INA: variants seen among roughly 807,000 people sequenced by gnomAD.
The protein encoded by INA is internexin neuronal intermediate filament protein alpha.
INA carries 35 observed loss-of-function variants against 40.1 expected under a neutral mutation model. That is an observed-to-expected ratio of 0.87 (90% CI 0.67 to 1.16). INA has a LOEUF of 1.16. INA is among the 50% of genes most tolerant of loss of function. The pLI is 0.00. For missense variants in INA, 594 were observed against 686.7 expected (o/e 0.87, Z 1.51); for synonymous variants, 290 against 316.9 (o/e 0.92, Z 0.90).
In INA at chr10:103,278,569, G is replaced by A. The variant is rs1054207144; in HGVS notation, c.1065+293G>A. Among the ~76,000 whole-genome samples the A allele has an allele frequency of 6.6e-6, 1 of 152,150 alleles. No individual in the cohort carries two copies. Among genetic ancestry groups the A allele is most frequent in the African/African-American group, 2.4e-5 (1 of 41,440 alleles). ...GTCAGCAAGCGGGCCTACACACACC[G>A]GCGACCCGGAGAACAGTGCCCCACC... On this transcript the variant is annotated intron_variant, in intron 1 of 2. Coordinates refer to ENST00000369849, the MANE Select transcript of INA (RefSeq NM_032727.4). This position sits in a 1 kb window ranked among gnomAD's most constrained non-coding sequence, Gnocchi z 4.9.
intron 1 of INA, among the ~76,000 whole-genome samples, chr10:103,285,913 C>T (rs562042050): frequency 7.9e-5 from 12 of 152,126 alleles, no homozygotes; most frequent in Non-Finnish European, 1.8e-4. Flanking sequence ...CCACCACACC[C>T]GGGTGAACTG....
chr10:103,286,440 T>A (rs1421253495), intron 1 of INA, among the ~76,000 whole-genome samples: 1 of 151,556 alleles, frequency 6.6e-6, no homozygotes, highest in East Asian at 1.9e-4. Flanking sequence ...GTTTTAAAAA[T>A]TCTGTGGAGT....
Position 103,277,288 on chromosome 10 carries a change from C to A in INA, c.77C>A (p.Ser26Tyr). The change falls in exon 1 of 3, where the codon TCC (serine) becomes TAC (tyrosine). Residue 26 changes from serine to tyrosine, a missense_variant. By Grantham distance (144) the Ser-to-Tyr change is moderately radical. Transcript: ENST00000369849. This position sits in a 1 kb window ranked among gnomAD's most constrained non-coding sequence, Gnocchi z 5.6. Reference sequence around the variant, plus strand: ...GTGTTCGGGGATGGCTCTCGCCTGTCCGCCCGCCTCTCTGGGGCCGGCGGC... The same window carrying A: ...GTGTTCGGGGATGGCTCTCGCCTGTACGCCCGCCTCTCTGGGGCCGGCGGC... Reference protein sequence around the residue: ...RKVFGDGSRLSARLSGAGGAG... With the variant: ...RKVFGDGSRLYARLSGAGGAG... 6.4e-7 allele frequency: 1 copy of A among 1,574,626 alleles called. No individual in the cohort carries two copies. The highest frequency in any genetic ancestry group is 1.2e-5 in the South Asian group (1 of 86,616).
intron 1 of INA, chr10:103,280,693 G>A (rs1374817480): frequency 1.3e-5 from 13 of 985,262 alleles, no homozygotes; most frequent in African/African-American, 1.7e-5. Flanking sequence ...AATGATTCAC[G>A]GTGACACAGT....
In INA at chr10:103,278,988, G is replaced by A. The variant is rs1260634968; in HGVS notation, c.1065+712G>A. ...CTCCTTAAGAAAGCGTTCGCCGGTT[G>A]GCAAAACGTGAAAGGTCGGGGCGCT... On this transcript the variant is annotated intron_variant, in intron 1 of 2. Coordinates refer to ENST00000369849, the MANE Select transcript of INA (RefSeq NM_032727.4). The surrounding 1 kb of genome is among the most constrained non-coding windows in gnomAD (Gnocchi z 4.9). Among the ~76,000 whole-genome samples the A allele has an allele frequency of 6.6e-6, 1 of 151,392 alleles. No homozygotes were observed. The highest frequency in any genetic ancestry group is 1.9e-4 in the East Asian group (1 of 5,154).
At chr10:103,284,278 G>T (rs1213401850) in intron 1 of INA, among the ~76,000 whole-genome samples, 1 of 152,070 alleles carries the variant, frequency 6.6e-6, no homozygotes, top group Non-Finnish European at 1.5e-5. Flanking sequence ...ATGCCCTAGA[G>T]ATGTTTTCTT....
rs1319835973 is a variant in INA at position 103,280,552 on chromosome 10, A to G, written c.1065+2276A>G. ...TGCTACAGAGATTAGTGGTAGGGCC[A>G]TTTTTCTTTTCAAACTTGGCACCCT... On this transcript the variant is annotated intron_variant, in intron 1 of 2. Coordinates refer to ENST00000369849, the MANE Select transcript of INA (RefSeq NM_032727.4). 4.1e-6 allele frequency: 4 copies of G among 985,268 alleles called. No individual in the cohort carries two copies. The East Asian group carries it at 4.5e-4, about 112-fold the overall frequency. The allele number at this position is 985,268 out of a possible 1,614,324, so 61.0% of individuals were successfully genotyped here. A position where few individuals can be genotyped will look rare whatever the true frequency, so the allele number is the denominator to read the frequency against.
At chr10:103,280,556 T>C (rs1196883389) in intron 1 of INA, 1 of 985,360 alleles carries the variant, frequency 1.0e-6, no homozygotes, top group Admixed American at 6.1e-5. Context: ...AGGGCCATTT[T>C]TCTTTTCAAA....
chr10:103,277,153 C>T lies in INA; in HGVS notation c.-59C>T. On this transcript the variant is annotated 5_prime_UTR_variant, in exon 1 of 3. Coordinates refer to ENST00000369849, the MANE Select transcript of INA (RefSeq NM_032727.4). The surrounding 1 kb of genome is among the most constrained non-coding windows in gnomAD (Gnocchi z 5.6). ...GCCCCGCCGCGCCCTGCCTGCCGCA[C>T]CTCTCCTTTCTTCTGTAGCTCGCGT... 1.3e-6 allele frequency: 2 copies of T among 1,492,536 alleles called. No homozygotes were observed. The highest frequency in any genetic ancestry group is 1.8e-6 in the Non-Finnish European group (2 of 1,127,008). The allele number at this position is 1,492,536 out of a possible 1,614,324, so 92.5% of individuals were successfully genotyped here. A position where few individuals can be genotyped will look rare whatever the true frequency, so the allele number is the denominator to read the frequency against.
chr10:103,288,214 G>A, intron 2 of INA, 146 bp from the exon 3 acceptor site: 1 of 732,490 alleles, frequency 1.4e-6, no homozygotes, highest in Non-Finnish European at 2.2e-6. Flanking sequence ...TTTGAGCTTT[G>A]AAATTAAATA....
chr10:103,288,629 C>A lies in INA; in HGVS notation c.1460C>A (p.Ser487Ter). 2.5e-6 allele frequency: 4 copies of A among 1,593,550 alleles called. No individual in the cohort carries two copies. In the South Asian group the frequency reaches 3.4e-5, roughly 14 times the overall value. Residue 487 changes from serine to a stop codon, truncating the protein, a stop_gained, in exon 3 of 3, where the codon TCA becomes TAA. Coordinates refer to ENST00000369849, the MANE Select transcript of INA (RefSeq NM_032727.4). LOFTEE classifies it high-confidence loss of function. ...ATATCTACTAAGAAAACCGAGAAAT[C>A]AAATATAGAAGAAACCACCATTTCA... ...TVISTKKTEK[S>*]NIEETTISSQ... is the part of the protein sequence containing the mutation.
rs913446942 is a variant in INA, at chr10:103,277,720, G to A, written c.509G>A (p.Gly170Glu). 39 of 1,394,126 alleles carry A rather than the reference G, an allele frequency of 2.8e-5. No individual in the cohort carries two copies. In the Admixed American group the frequency reaches 1.4e-3, roughly 49 times the overall value. 86.4% of individuals were successfully genotyped at this position (1,394,126 alleles called of 1,614,324 possible). The change falls in exon 1 of 3, where the codon GGG becomes GAG. Residue 170 changes from glycine to glutamate, a missense_variant. By Grantham distance (98) the Gly-to-Glu change is moderately conservative. Around this residue, in one of 2 missense-constraint regions of INA, gnomAD observed 379 missense variants for 496.1 expected, o/e 0.76. Transcript: ENST00000369849. This position sits in a 1 kb window ranked among gnomAD's most constrained non-coding sequence, Gnocchi z 5.6. Reference protein sequence around the residue: ...ARSQALLERDGLAEEVQRLRA... With the variant: ...ARSQALLERDELAEEVQRLRA... ...TCGCAGGCCCTGCTGGAGCGCGACG[G>A]GCTGGCGGAGGAGGTGCAGCGGCTG...
In INA at chr10:103,278,083, T is replaced by C. The variant is rs1315321839; in HGVS notation, c.872T>C (p.Phe291Ser). Residue 291 changes from phenylalanine (F) to serine (S), a missense_variant, in exon 1 of 3, where the codon TTT becomes TCT. Coordinates refer to ENST00000369849, the MANE Select transcript of INA (RefSeq NM_032727.4). This position sits in a 1 kb window ranked among gnomAD's most constrained non-coding sequence, Gnocchi z 4.9. ...GCGGAAGAATGGTACAAGTCCAAGT[T>C]TGCCAACCTGAACGAGCAGGCGGCG... ...QSAEEWYKSKFANLNEQAARS... is the reference protein window; with the variant it reads ...QSAEEWYKSKSANLNEQAARS... The C allele has an allele frequency of 6.2e-7, 1 of 1,613,424 alleles. No individual in the cohort carries two copies. The highest frequency in any genetic ancestry group is 8.5e-7 in the Non-Finnish European group (1 of 1,179,920).
At position 103,290,078 on chromosome 10, in the gene INA, A is replaced by G. The variant is rs1045355163; in HGVS notation, c.*1409A>G. On this transcript the variant is annotated 3_prime_UTR_variant, in exon 3 of 3. Coordinates refer to ENST00000369849, the MANE Select transcript of INA (RefSeq NM_032727.4). ...ATTGCCCAGTCTTTCATGTGTGCCA[A>G]GGCTGATGCAGGATTTGTTCTCTGT... 1.3e-5 allele frequency: 2 copies of G among 152,638 alleles called. No homozygotes were observed. Among genetic ancestry groups the G allele is most frequent in the Non-Finnish European group, 2.9e-5 (2 of 68,036 alleles). The allele number at this position is 152,638 out of a possible 1,614,324, so 9.5% of individuals were successfully genotyped here.
chr10:103,280,626 G>C, intron 1 of INA: 1 of 985,410 alleles, frequency 1.0e-6, no homozygotes. Flanking sequence ...CTCTGCCCCA[G>C]ATAGCTGATA....
chr10:103,284,147 G>A (rs1241018519), intron 1 of INA, among the ~76,000 whole-genome samples: 6 of 148,670 alleles, frequency 4.0e-5, no homozygotes, highest in South Asian at 2.1e-4. Flanking sequence ...TTGCTGTGTC[G>A]CCCAGGCTGG....
At chr10:103,281,009 G>A (rs1267204797) in intron 1 of INA, 6 of 752,096 alleles carry the variant, frequency 8.0e-6, no homozygotes, top group East Asian at 2.6e-4. Flanking sequence ...CAAGATCACC[G>A]CAGGTTAATG....
At position 103,277,289 on chromosome 10, in the gene INA, C is replaced by T; in HGVS notation, c.78C>T (p.Ser26=). 1 of 1,574,062 alleles carries T rather than the reference C, an allele frequency of 6.4e-7. No homozygotes were observed. The highest frequency in any genetic ancestry group is 8.6e-7 in the Non-Finnish European group (1 of 1,166,632). Residue 26 remains serine, a synonymous_variant, in exon 1 of 3, where the codon TCC becomes TCT. Transcript: ENST00000369849. The surrounding 1 kb of genome is among the most constrained non-coding windows in gnomAD (Gnocchi z 5.6). The part of the protein sequence containing the change: ...RKVFGDGSRL[S]ARLSGAGGAG... ...TGTTCGGGGATGGCTCTCGCCTGTC[C>T]GCCCGCCTCTCTGGGGCCGGCGGCG...
intron 1 of INA, chr10:103,280,435 C>T (rs2093070194): frequency 1.0e-6 from 1 of 985,312 alleles, no homozygotes; most frequent in Admixed American, 6.1e-5. Flanking sequence ...GAAAAGCCTC[C>T]CTTTCTACAG....
Sources: allele counts gnomAD v4.1 joint callset (sites outside exome capture counted in the v4.1 genomes callset), GRCh38; gene constraint gnomAD v4.1.1; regional missense constraint gnomAD v4.1.1; non-coding constraint Gnocchi (gnomAD v3.1); transcripts MANE v1.5; gene names NCBI Gene and HGNC (gene_info 2026-07-23, HGNC 2026-07-21).